KL: variants seen among roughly 807,000 people sequenced by gnomAD.
KL encodes the protein klotho, also known as alpha-klotho.
KL carries 62 observed loss-of-function variants against 84.2 expected under a neutral mutation model. That is an observed-to-expected ratio of 0.74 (90% CI 0.60 to 0.91). KL has a LOEUF of 0.91. Among genes scored for constraint, KL ranks in the 40% least tolerant of loss-of-function variants. KL has a pLI of 0.00. For synonymous variants in KL, 528 were observed against 528.0 expected, an observed-to-expected ratio of 1.00 and a Z score of 0.00; for missense variants, 1,261 against 1,305.7, an observed-to-expected ratio of 0.97 and a Z score of 0.53.
chr13:33,029,653 A>G (rs1033592679), intron 1 of KL, among the ~76,000 whole-genome samples: 1 of 152,046 alleles, frequency 6.6e-6, no homozygotes, highest in Non-Finnish European at 1.5e-5. Flanking sequence ...TTATTTTTTG[A>G]GACGGAGTCT....
At chr13:33,051,097 G>A (rs143029548) in intron 1 of KL, among the ~76,000 whole-genome samples, 60 of 152,250 alleles carry the variant, frequency 3.9e-4, no homozygotes, top group African/African-American at 1.4e-3. Context: ...GAGAGAGAAG[G>A]GATACGCATT....
Position 33,064,151 on chromosome 13 carries a change from T to A in KL, c.3004T>A (p.Tyr1002Asn). The A allele has an allele frequency of 6.2e-7, 1 of 1,611,448 alleles. No individual in the cohort carries two copies. The highest frequency in any genetic ancestry group is 8.5e-7 in the Non-Finnish European group (1 of 1,178,360). The change falls in exon 5 of 5, where the codon TAC becomes AAC. Residue 1002 changes from tyrosine (Y) to asparagine (N), a missense_variant. By Grantham distance (143) the Tyr-to-Asn change is moderately radical. Transcript: ENST00000380099. ...ASIISLSLIFYYSKKGRRSYK is the reference protein window; with the variant it reads ...ASIISLSLIFNYSKKGRRSYK Reference sequence around the variant, plus strand: ...TATTATTTCTCTCTCCCTTATATTTTACTACTCGAAGAAAGGCAGAAGAAG... The same window carrying A: ...TATTATTTCTCTCTCCCTTATATTTAACTACTCGAAGAAAGGCAGAAGAAG...
rs774909579 is a variant in KL at position 33,054,109 on chromosome 13, C to T, written c.1162C>T (p.Gln388Ter). Residue 388 changes from glutamine (Q) to a stop codon, truncating the protein, a stop_gained, in exon 2 of 5, where the codon CAA (glutamine) becomes TAA (stop). Coordinates refer to ENST00000380099, the MANE Select transcript of KL (RefSeq NM_004795.4). LOFTEE classifies it high-confidence loss of function. ...QLLDPHMKFR[Q>*]LESPNLRQLL... Reference sequence around the variant, plus strand: ...TTTGGACCCTCACATGAAGTTCCGCCAATTGGAATCTCCCAACCTGAGGCA... The same window carrying T: ...TTTGGACCCTCACATGAAGTTCCGCTAATTGGAATCTCCCAACCTGAGGCA... 32 of 1,613,924 alleles carry T rather than the reference C, an allele frequency of 2.0e-5. No individual in the cohort carries two copies. The highest frequency in any genetic ancestry group is 2.7e-5 in the Non-Finnish European group (32 of 1,180,002).
In KL at chr13:33,063,933, G is replaced by C; in HGVS notation, c.2786G>C (p.Arg929Pro). 6.2e-7 allele frequency: 1 copy of C among 1,614,122 alleles called. No individual in the cohort carries two copies. The highest frequency in any genetic ancestry group is 8.5e-7 in the Non-Finnish European group (1 of 1,180,018). The change falls in exon 5 of 5, where the codon CGT becomes CCT. Residue 929 changes from arginine to proline, a missense_variant. By Grantham distance (103) the Arg-to-Pro change is moderately radical. Coordinates refer to ENST00000380099, the MANE Select transcript of KL (RefSeq NM_004795.4). ...ACAGCTCCGAGGTTTGGCCTCTATC[G>C]TTATGCTGCAGATCAGTTTGAGCCC... ...DRTAPRFGLY[R>P]YAADQFEPKA...
At chr13:33,029,124 A>AT (rs1870880331) in intron 1 of KL, among the ~76,000 whole-genome samples, 1 of 152,296 alleles carries the variant, frequency 6.6e-6, no homozygotes, top group Non-Finnish European at 1.5e-5. Flanking sequence ...AGACATAAAT[A>AT]TTTTTTCTAT....
chr13:33,058,254 C>A (rs1029094752), intron 3 of KL, among the ~76,000 whole-genome samples: 2 of 152,058 alleles, frequency 1.3e-5, no homozygotes, highest in Non-Finnish European at 2.9e-5. Context: ...GGTCCAACTT[C>A]ACTATTTTAT....
At chr13:33,047,009 C>A (rs1871555970) in intron 1 of KL, among the ~76,000 whole-genome samples, 1 of 152,086 alleles carries the variant, frequency 6.6e-6, no homozygotes, top group South Asian at 2.1e-4. Flanking sequence ...AGAAACAATA[C>A]TTTTTATGAT....
At chr13:33,033,315 G>T (rs985352806) in intron 1 of KL, among the ~76,000 whole-genome samples, 3 of 152,112 alleles carry the variant, frequency 2.0e-5, no homozygotes, top group Admixed American at 2.0e-4. Flanking sequence ...TGATTAAAAA[G>T]CTTTTTATCT....
Position 33,062,981 on chromosome 13 carries a change from C to T in KL, c.2702-868C>T, listed in dbSNP as rs561287124. 2.6e-5 allele frequency among the ~76,000 whole-genome samples: 4 copies of T among 152,034 alleles called. No individual in the cohort carries two copies. The East Asian group carries it at 5.8e-4, about 22-fold the overall frequency. ...GGGGAAAATGAAGTAACAGGTTAGA[C>T]ACATGCACAGAAAATGGTGGTGTTA... On this transcript the variant is annotated intron_variant, in intron 4 of 4. Coordinates refer to ENST00000380099, the MANE Select transcript of KL (RefSeq NM_004795.4).
At chr13:33,017,841 G>C (rs1387064887) in intron 1 of KL, among the ~76,000 whole-genome samples, 1 of 152,200 alleles carries the variant, frequency 6.6e-6, no homozygotes, top group Non-Finnish European at 1.5e-5. Flanking sequence ...ATTCACCGGG[G>C]TGTGAAGACC....
Position 33,017,159 on chromosome 13 carries a change from C to G in KL, c.719C>G (p.Pro240Arg), listed in dbSNP as rs750775138. 1 of 1,601,304 alleles carries G rather than the reference C, an allele frequency of 6.2e-7. No individual in the cohort carries two copies. The highest frequency in any genetic ancestry group is 8.5e-7 in the Non-Finnish European group (1 of 1,179,782). ...QVKYWITIDNPYVVAWHGYAT... is the reference protein window; with the variant it reads ...QVKYWITIDNRYVVAWHGYAT... ...AAGTACTGGATCACCATCGACAACC[C>G]CTACGTGGTGGCCTGGCACGGCTAC... The change falls in exon 1 of 5, where the codon CCC becomes CGC. Residue 240 changes from proline to arginine, a missense_variant. By Grantham distance (103) the Pro-to-Arg change is moderately radical. Coordinates refer to ENST00000380099, the MANE Select transcript of KL (RefSeq NM_004795.4).
At chr13:33,024,556 T>C (rs769305756) in intron 1 of KL, among the ~76,000 whole-genome samples, 2 of 152,108 alleles carry the variant, frequency 1.3e-5, no homozygotes, top group African/African-American at 4.8e-5. Flanking sequence ...AAAGGAGGCA[T>C]ATTTGTAGGG....
intron 3 of KL, among the ~76,000 whole-genome samples, chr13:33,056,002 G>A (rs565115633): frequency 6.6e-4 from 100 of 152,300 alleles, no homozygotes; most frequent in Middle Eastern, 6.8e-3. Context: ...TGTGTCCGAA[G>A]CCTTGTGTTA....
At chr13:33,022,151 A>T (rs951923309) in intron 1 of KL, among the ~76,000 whole-genome samples, 1 of 152,230 alleles carries the variant, frequency 6.6e-6, no homozygotes, top group African/African-American at 2.4e-5. Flanking sequence ...TGAGTTGAAG[A>T]AAAGAAGGAA....
intron 1 of KL, among the ~76,000 whole-genome samples, chr13:33,051,319 C>T (rs1479553838): frequency 1.3e-5 from 2 of 152,066 alleles, no homozygotes; most frequent in Admixed American, 6.5e-5. Flanking sequence ...GGCTGAGGAT[C>T]GCTTGAGCCC....
chr13:33,029,427 T>C (rs1566500002), intron 1 of KL, among the ~76,000 whole-genome samples: 1 of 152,236 alleles, frequency 6.6e-6, no homozygotes. Flanking sequence ...AACCAATGAA[T>C]ACTCTTAAAA....
At chr13:33,058,256 C>T (rs1872038317) in intron 3 of KL, among the ~76,000 whole-genome samples, 1 of 151,964 alleles carries the variant, frequency 6.6e-6, no homozygotes, top group Admixed American at 6.6e-5. Flanking sequence ...TCCAACTTCA[C>T]TATTTTATTT....
Position 33,063,932 on chromosome 13 carries a change from C to T in KL, c.2785C>T (p.Arg929Cys), listed in dbSNP as rs577401687. The change falls in exon 5 of 5, where the codon CGT becomes TGT. Residue 929 changes from arginine to cysteine, a missense_variant. Transcript: ENST00000380099. The part of the protein sequence containing the change: ...DRTAPRFGLY[R>C]YAADQFEPKA... ...CACAGCTCCGAGGTTTGGCCTCTAT[C>T]GTTATGCTGCAGATCAGTTTGAGCC... 15 of 1,614,152 alleles carry T rather than the reference C, an allele frequency of 9.3e-6. No individual in the cohort carries two copies. The highest frequency in any genetic ancestry group is 2.7e-5 in the African/African-American group (2 of 75,034).
chr13:33,033,069 G>A (rs1871030294), intron 1 of KL, among the ~76,000 whole-genome samples: 1 of 152,086 alleles, frequency 6.6e-6, no homozygotes, highest in Admixed American at 6.5e-5. Flanking sequence ...GTAAATATTT[G>A]CTTAATGAAA....
Sources: gnomAD v4.1 joint callset for allele counts (sites outside exome capture counted in the v4.1 genomes callset) on GRCh38, gnomAD v4.1.1 for gene constraint, MANE v1.5 for transcripts, NCBI Gene and HGNC (gene_info 2026-07-23, HGNC 2026-07-21) for gene names.